The following PCDHGA1 variants were observed in gnomAD, a reference collection of about 807,000 sequenced individuals.
PCDHGA1 encodes the protein protocadherin gamma-A1.
PCDHGA1 carries 32 observed loss-of-function variants against 58.0 expected under a neutral mutation model. The ratio of observed to expected loss-of-function variants is 0.55; its 90% CI spans 0.42 to 0.74. The LOEUF (loss-of-function observed/expected upper bound fraction) is 0.74, where lower values mean the gene tolerates loss of function less well. Among genes scored for constraint, PCDHGA1 ranks in the 30% least tolerant of loss-of-function variants. The pLI is 0.00. For synonymous variants in PCDHGA1, 498 were observed against 501.1 expected, an observed-to-expected ratio of 0.99 and a Z score of 0.08; for missense variants, 1,205 against 1,182.3, an observed-to-expected ratio of 1.02 and a Z score of -0.28.
At chr5:141,478,620 G>A (rs1400703951) in intron 1 of PCDHGA1, 2 of 1,555,472 alleles carry the variant, frequency 1.3e-6, no homozygotes, top group East Asian at 2.4e-5. Context: ...AAGGAATGGA[G>A]CTGTTTTTTT....
chr5:141,361,037 T>C, intron 1 of PCDHGA1: 1 of 1,613,390 alleles, frequency 6.2e-7, no homozygotes, highest in Non-Finnish European at 8.5e-7. Flanking sequence ...ACAGGAGAAA[T>C]CACGACAAAG....
Position 141,485,227 on chromosome 5 carries a change from G to T in PCDHGA1, c.2422-9580G>T. Reference sequence around the variant, plus strand: ...AAATCTGGCGGTGGGCTACCCTTTTGTTCCTCTTTTACCACCTGGGTTACG... The same window carrying T: ...AAATCTGGCGGTGGGCTACCCTTTTTTTCCTCTTTTACCACCTGGGTTACG... On this transcript the variant is annotated intron_variant, in intron 1 of 3. Transcript: ENST00000517417. The surrounding 1 kb of genome is among the most constrained non-coding windows in gnomAD (Gnocchi z 5.7). The T allele has an allele frequency of 6.2e-7, 1 of 1,614,186 alleles. No individual in the cohort carries two copies. Among genetic ancestry groups the T allele is most frequent in the Non-Finnish European group, 8.5e-7 (1 of 1,180,020 alleles).
At chr5:141,451,180 T>C (rs1318435826) in intron 1 of PCDHGA1, among the ~76,000 whole-genome samples, 4 of 152,180 alleles carry the variant, frequency 2.6e-5, no homozygotes, top group Non-Finnish European at 4.4e-5. Flanking sequence ...ATTTAGCCAT[T>C]GCTGTGTAAC....
At chr5:141,389,988 C>G in intron 1 of PCDHGA1, 1 of 1,614,036 alleles carries the variant, frequency 6.2e-7, no homozygotes, top group South Asian at 1.1e-5. Context: ...AGTGCTCTTC[C>G]TCGTGGCCAT....
intron 1 of PCDHGA1, chr5:141,478,018 C>G: frequency 6.2e-7 from 1 of 1,614,124 alleles, no homozygotes; most frequent in Non-Finnish European, 8.5e-7. Flanking sequence ...CCCGTCCAGT[C>G]CAAGACACAG....
chr5:141,382,534 T>G (rs1284471897), intron 1 of PCDHGA1, among the ~76,000 whole-genome samples: 1 of 152,218 alleles, frequency 6.6e-6, no homozygotes, highest in Non-Finnish European at 1.5e-5. Context: ...TAAAATGGAT[T>G]TTTAATTATC....
intron 1 of PCDHGA1, chr5:141,376,012 G>A: frequency 6.2e-7 from 1 of 1,613,402 alleles, no homozygotes; most frequent in Non-Finnish European, 8.5e-7. Flanking sequence ...AGAGCCTAGT[G>A]GTGGCCGTCC....
chr5:141,423,195 G>C, intron 1 of PCDHGA1: 14 of 1,613,544 alleles, frequency 8.7e-6, no homozygotes, highest in Non-Finnish European at 1.2e-5. Flanking sequence ...CCCCTCTCTC[G>C]GCCACCGTCA....
At chr5:141,398,857 C>A in intron 1 of PCDHGA1, 2 of 1,613,918 alleles carry the variant, frequency 1.2e-6, no homozygotes, top group Middle Eastern at 1.6e-4. Flanking sequence ...GGTATTCAAC[C>A]GAGACGTGTA....
At position 141,404,066 on chromosome 5, in the gene PCDHGA1, C is replaced by G. The variant is rs745515085; in HGVS notation, c.2421+70961C>G. The G allele has an allele frequency of 3.1e-6, 5 of 1,613,776 alleles. No individual in the cohort carries two copies. The East Asian group carries it at 8.9e-5, about 29-fold the overall frequency. On this transcript the variant is annotated intron_variant, in intron 1 of 3. Transcript: ENST00000517417. ...AACAGTAATTCTTCTTTTCAATGCT[C>G]ATGACCGAGACTCCGGGAAGAATGG...
chr5:141,476,023 G>T lies in PCDHGA1; in HGVS notation c.2422-18784G>T. On this transcript the variant is annotated intron_variant, in intron 1 of 3. Coordinates refer to ENST00000517417, the MANE Select transcript of PCDHGA1 (RefSeq NM_018912.3). The surrounding 1 kb of genome is among the most constrained non-coding windows in gnomAD (Gnocchi z 7.6). Reference sequence around the variant, plus strand: ...CATCCAGAAAGCCATGTCGGACTCGGCGCCCAGCGCCCAAGCGCTAACCCG... The same window carrying T: ...CATCCAGAAAGCCATGTCGGACTCGTCGCCCAGCGCCCAAGCGCTAACCCG... The T allele has an allele frequency of 7.1e-7, 1 of 1,415,690 alleles. No individual in the cohort carries two copies. Among genetic ancestry groups the T allele is most frequent in the Non-Finnish European group, 9.5e-7 (1 of 1,057,324 alleles). 87.7% of individuals were successfully genotyped at this position (1,415,690 alleles called of 1,614,324 possible).
rs763433178 is a variant in PCDHGA1, at chr5:141,409,635, A to G, written c.2421+76530A>G. On this transcript the variant is annotated intron_variant, in intron 1 of 3. Transcript: ENST00000517417. ...TCCATTGCGCAAGTGAGCGCCTCTG[A>G]CCCGGATTTGGGGCTCAATGGCCAC... 3 of 1,613,784 alleles carry G rather than the reference A, an allele frequency of 1.9e-6. No individual in the cohort carries two copies. The South Asian group carries it at 3.3e-5, about 18-fold the overall frequency.
intron 1 of PCDHGA1, chr5:141,374,993 T>C: frequency 6.2e-7 from 1 of 1,614,056 alleles, no homozygotes; most frequent in Non-Finnish European, 8.5e-7. Flanking sequence ...AATTTCAACT[T>C]CTGCAAATCT....
At chr5:141,492,265 G>C (rs1363279754) in intron 1 of PCDHGA1, among the ~76,000 whole-genome samples, 1 of 152,180 alleles carries the variant, frequency 6.6e-6, no homozygotes, top group Non-Finnish European at 1.5e-5. Flanking sequence ...CAAGTTGCAC[G>C]GGCTCGCCAC....
At chr5:141,444,183 T>G (rs2098423667) in intron 1 of PCDHGA1, among the ~76,000 whole-genome samples, 1 of 138,396 alleles carries the variant, frequency 7.2e-6, no homozygotes, top group African/African-American at 2.8e-5. Flanking sequence ...TTTTTTTTTT[T>G]TTTTTGAGAT....
chr5:141,455,492 T>G (rs958076901), intron 1 of PCDHGA1, among the ~76,000 whole-genome samples: 10 of 152,188 alleles, frequency 6.6e-5, no homozygotes, highest in Non-Finnish European at 1.2e-4. Context: ...GGAGGTGATG[T>G]CTGATTTGCA....
At position 141,511,238 on chromosome 5, in the gene PCDHGA1, G is replaced by A; in HGVS notation, c.*65G>A. ...CAACCAGCCCAGCTTCTCCTTACCT[G>A]CACCCAGGCCTCAGAGTTTCAGGGC... On this transcript the variant is annotated 3_prime_UTR_variant, in exon 4 of 4. Coordinates refer to ENST00000517417, the MANE Select transcript of PCDHGA1 (RefSeq NM_018912.3). 6.3e-7 allele frequency: 1 copy of A among 1,589,142 alleles called. No homozygotes were observed. The highest frequency in any genetic ancestry group is 2.3e-5 in the East Asian group (1 of 43,302).
intron 2 of PCDHGA1, among the ~76,000 whole-genome samples, chr5:141,495,902 C>T (rs749735668): frequency 2.6e-5 from 4 of 152,120 alleles, no homozygotes; most frequent in Non-Finnish European, 2.9e-5. Context: ...TTGTCTCTGT[C>T]TCTGTATATC....
chr5:141,383,102 CCA>C lies in PCDHGA1; in HGVS notation c.2421+49998_2421+49999del, dbSNP rs1253092385. ...GCGGAGCGCGGAGTCCGCATCATCT[CCA>C]GAGGTAGGACGCAGCTTTTCGCCCT... On this transcript the variant is annotated intron_variant, in intron 1 of 3. Coordinates refer to ENST00000517417, the MANE Select transcript of PCDHGA1 (RefSeq NM_018912.3). 3 of 1,614,004 alleles carry C rather than the reference CCA, an allele frequency of 1.9e-6. No homozygotes were observed. In the South Asian group the frequency reaches 3.3e-5, roughly 18 times the overall value.
Sources: gnomAD v4.1 joint callset for allele counts (sites outside exome capture counted in the v4.1 genomes callset) on GRCh38, gnomAD v4.1.1 for gene constraint, Gnocchi (gnomAD v3.1) non-coding constraint, MANE v1.5 for transcripts, NCBI Gene and HGNC (gene_info 2026-07-23, HGNC 2026-07-21) for gene names.